Variants in GPC3 observed in about 807,000 individuals in gnomAD.
GPC3 encodes the protein glypican 3.
GPC3 carries 3 observed loss-of-function variants against 34.4 expected under a neutral mutation model. That is an observed-to-expected ratio of 0.09 (90% CI 0.04 to 0.23). The LOEUF (loss-of-function observed/expected upper bound fraction) is 0.23. GPC3 is among the 10% of genes least tolerant of loss of function. The pLI is 1.00. For synonymous variants in GPC3, 177 were observed against 174.0 expected, an observed-to-expected ratio of 1.02 and a Z score of -0.13; for missense variants, 351 against 445.6, an observed-to-expected ratio of 0.79 and a Z score of 1.91.
At chrX:133,670,898 C>A in intron 5 of GPC3, 1 of 337,741 alleles carries the variant, frequency 3.0e-6, no homozygotes, top group Non-Finnish European at 5.2e-6. Context: ...CAATTAGCTT[C>A]TTCTTTATTT....
At chrX:133,593,354 TAAAA>T (rs1186766438) in intron 7 of GPC3, among the ~76,000 whole-genome samples, 1 of 47,717 alleles carries the variant, frequency 2.1e-5, no homozygotes, top group South Asian at 9.8e-4. Flanking sequence ...AAAAAAAAAG[TAAAA>T]AAAAAAAAAA....
At chrX:133,722,964 G>A (rs772304347) in intron 3 of GPC3, among the ~76,000 whole-genome samples, 12 of 111,589 alleles carry the variant, frequency 1.1e-4, no homozygotes, top group Non-Finnish European at 1.7e-4. Context: ...CATTGCTATC[G>A]TCCCGGGCCT....
At chrX:133,760,741 G>T (rs918333265) in intron 2 of GPC3, among the ~76,000 whole-genome samples, 1 of 111,399 alleles carries the variant, frequency 9.0e-6, no homozygotes, top group African/African-American at 3.3e-5. Context: ...ATAGAACCAT[G>T]CAATACAAAG....
chrX:133,751,930 C>A (rs1290605155), intron 3 of GPC3, among the ~76,000 whole-genome samples: 3 of 111,222 alleles, frequency 2.7e-5, no homozygotes, highest in Non-Finnish European at 5.7e-5. Flanking sequence ...ACTCTTTCGC[C>A]CAGGCTGGGG....
At chrX:133,899,656 C>T (rs906749368) in intron 2 of GPC3, among the ~76,000 whole-genome samples, 4 of 111,426 alleles carry the variant, frequency 3.6e-5, no homozygotes, top group African/African-American at 1.3e-4. Flanking sequence ...CAGAAGTCTA[C>T]AGCTCAAGGA....
intron 2 of GPC3, among the ~76,000 whole-genome samples, chrX:133,859,235 C>G (rs138485283): frequency 2.5e-3 from 275 of 111,331 alleles, no homozygotes; most frequent in Middle Eastern, 4.7e-3. Context: ...ACCATGGAAT[C>G]CTACCCAGAA....
At chrX:133,575,516 G>A (rs1027196298) in intron 7 of GPC3, among the ~76,000 whole-genome samples, 5 of 111,757 alleles carry the variant, frequency 4.5e-5, no homozygotes, top group African/African-American at 9.8e-5. Flanking sequence ...AGGGATGAGC[G>A]GAAGGGATAC....
intron 2 of GPC3, among the ~76,000 whole-genome samples, chrX:133,798,438 T>C (rs947247729): frequency 3.6e-5 from 4 of 112,151 alleles, no homozygotes; most frequent in African/African-American, 9.7e-5. Context: ...CACTGCTAGA[T>C]ACCGACACTG....
intron 2 of GPC3, among the ~76,000 whole-genome samples, chrX:133,760,226 T>C (rs1004164819): frequency 4.5e-5 from 5 of 112,016 alleles, no homozygotes; most frequent in African/African-American, 1.6e-4. Context: ...ATAAAGCAGC[T>C]TGGCAGTTTC....
intron 7 of GPC3, among the ~76,000 whole-genome samples, chrX:133,578,996 C>T (rs2069711045): frequency 9.0e-6 from 1 of 111,203 alleles, no homozygotes; most frequent in African/African-American, 3.3e-5. Context: ...TGACCCCTAA[C>T]AAATCTTCCA....
chrX:133,592,601 A>G lies in GPC3; in HGVS notation c.1573+3839T>C, dbSNP rs749423604. Among the ~76,000 whole-genome samples the G allele has an allele frequency of 2.7e-5, 3 of 110,551 alleles. No individual in the cohort carries two copies. In the Admixed American group the frequency reaches 2.9e-4, roughly 11 times the overall value. On this transcript the variant is annotated intron_variant, in intron 7 of 7. Transcript: ENST00000370818. ...TGAGTGGTCACTTTATGTCCTATGG[A>G]ACCTGGGAGCCATTGTAGACTGTTT...
chrX:133,542,461 G>A (rs1392730690), intron 7 of GPC3, among the ~76,000 whole-genome samples: 1 of 111,420 alleles, frequency 9.0e-6, no homozygotes, highest in East Asian at 2.8e-4. Flanking sequence ...GAGGGTGTGG[G>A]CTTCAAGGAG....
At chrX:133,566,816 G>C (rs1190093355) in intron 7 of GPC3, among the ~76,000 whole-genome samples, 1 of 111,478 alleles carries the variant, frequency 9.0e-6, no homozygotes, top group Non-Finnish European at 1.9e-5. Context: ...ATACTAATGG[G>C]CCCTGTCATT....
intron 6 of GPC3, among the ~76,000 whole-genome samples, chrX:133,647,041 C>T (rs918111143): frequency 8.9e-6 from 1 of 111,755 alleles, no homozygotes; most frequent in Admixed American, 9.5e-5. Flanking sequence ...ACTTGAAAAG[C>T]AAAACCCCAA....
intron 6 of GPC3, among the ~76,000 whole-genome samples, chrX:133,621,210 C>G (rs749773512): frequency 1.8e-5 from 2 of 111,510 alleles, no homozygotes; most frequent in African/African-American, 3.3e-5. Flanking sequence ...CGAATAGGAA[C>G]AGCTCCAGTC....
At chrX:133,612,021 TCA>T (rs1464918403) in intron 6 of GPC3, among the ~76,000 whole-genome samples, 2 of 112,300 alleles carry the variant, frequency 1.8e-5, no homozygotes, top group Non-Finnish European at 1.9e-5. Flanking sequence ...GCTTAGGCAC[TCA>T]CACTTAAGCT....
chrX:133,601,848 A>G (rs1400770568), intron 6 of GPC3, among the ~76,000 whole-genome samples: 1 of 112,013 alleles, frequency 8.9e-6, no homozygotes, highest in Non-Finnish European at 1.9e-5. Context: ...ACTATGGAAA[A>G]TAATATGGAG....
intron 2 of GPC3, among the ~76,000 whole-genome samples, chrX:133,918,076 G>T (rs777399789): frequency 3.6e-5 from 4 of 111,795 alleles, no homozygotes; most frequent in African/African-American, 1.3e-4. Flanking sequence ...TGTATCCAGG[G>T]TTAGAAACTG....
chrX:133,616,920 G>A lies in GPC3; in HGVS notation c.1414-20321C>T, dbSNP rs766347979. 4.6e-5 allele frequency among the ~76,000 whole-genome samples: 5 copies of A among 109,805 alleles called. No individual in the cohort carries two copies. In the East Asian group the frequency reaches 8.6e-4, roughly 19 times the overall value. On this transcript the variant is annotated intron_variant, in intron 6 of 7. Coordinates refer to ENST00000370818, the MANE Select transcript of GPC3 (RefSeq NM_004484.4). ...TCACCGGGTTAGCCAGGATGGTCTC[G>A]ATCTCCTGACCTCGTGATCCACCCA...
Sources: allele counts gnomAD v4.1 joint callset (sites outside exome capture counted in the v4.1 genomes callset), GRCh38; gene constraint gnomAD v4.1.1; transcripts MANE v1.5; gene names NCBI Gene and HGNC (gene_info 2026-07-23, HGNC 2026-07-21).